ARHGEF10: variants seen among roughly 807,000 people sequenced by gnomAD.
ARHGEF10 encodes the protein Rho guanine nucleotide exchange factor (GEF) 10.
In ARHGEF10, 140 loss-of-function variants were observed where a neutral mutation model predicts 147.4. The observed-to-expected ratio is 0.95, with a 90% CI of 0.83 to 1.09. The LOEUF is 1.09. Among genes scored for constraint, ARHGEF10 ranks in the 50% least tolerant of loss-of-function variants. The pLI is 0.00. For synonymous variants in ARHGEF10, 902 were observed against 695.8 expected, an observed-to-expected ratio of 1.30 and a Z score of -4.67; for missense variants, 2,222 against 1,752.7, an observed-to-expected ratio of 1.27 and a Z score of -4.78.
chr8:1,885,249 A>G (rs1808558721), intron 10 of ARHGEF10, among the ~76,000 whole-genome samples: 2 of 152,146 alleles, frequency 1.3e-5, no homozygotes, highest in South Asian at 4.1e-4. Context: ...TCTGATTGTG[A>G]TATTTTATAG....
chr8:1,851,907 C>G (rs1015359588), intron 2 of ARHGEF10, among the ~76,000 whole-genome samples: 2 of 130,618 alleles, frequency 1.5e-5, no homozygotes, highest in Non-Finnish European at 3.5e-5. Flanking sequence ...GAGCATGACT[C>G]TGTCTCAAAA....
chr8:1,832,117 G>A (rs1257545260), intron 1 of ARHGEF10, among the ~76,000 whole-genome samples: 1 of 152,200 alleles, frequency 6.6e-6, no homozygotes. Flanking sequence ...GGGGTCCTGT[G>A]GCCCCGCTCT....
At chr8:1,902,894 G>C (rs975102724) in intron 15 of ARHGEF10, among the ~76,000 whole-genome samples, 1 of 152,200 alleles carries the variant, frequency 6.6e-6, no homozygotes, top group Non-Finnish European at 1.5e-5. Context: ...TGGAAACTGG[G>C]AGACTGGTGT....
Position 1,858,066 on chromosome 8 carries a change from C to T in ARHGEF10, c.144C>T (p.Ser48=), listed in dbSNP as rs376424164. The change falls in exon 3 of 29, where the codon TCC becomes TCT. Residue 48 remains serine (S), a synonymous_variant. Transcript: ENST00000349830. ...EIPEADRQAP[S]APETGGAGAS... ...CAGAAGCGGACAGACAGGCCCCATC[C>T]GCCCCTGAGACAGGAGGTGCTGGAG... 2.2e-5 allele frequency: 35 copies of T among 1,613,910 alleles called. No homozygotes were observed. Among genetic ancestry groups the T allele is most frequent in the South Asian group, 5.5e-5 (5 of 91,060 alleles).
intron 10 of ARHGEF10, among the ~76,000 whole-genome samples, chr8:1,885,002 C>T (rs994799553): frequency 2.0e-5 from 3 of 152,254 alleles, no homozygotes; most frequent in South Asian, 2.1e-4. Context: ...TAGGCTCAAG[C>T]GATTCTACCA....
At chr8:1,850,728 C>T (rs1221619482) in intron 2 of ARHGEF10, among the ~76,000 whole-genome samples, 4 of 152,176 alleles carry the variant, frequency 2.6e-5, no homozygotes, top group Non-Finnish European at 5.9e-5. Flanking sequence ...ACTTAATGTC[C>T]ACTCAATACC....
intron 1 of ARHGEF10, among the ~76,000 whole-genome samples, chr8:1,836,712 CT>C (rs1803605467): frequency 1.3e-5 from 2 of 152,168 alleles, no homozygotes. Context: ...GTGTCAGCCC[CT>C]GATATGGTTT....
chr8:1,838,042 G>T (rs1358851873), intron 1 of ARHGEF10, among the ~76,000 whole-genome samples: 1 of 152,186 alleles, frequency 6.6e-6, no homozygotes, highest in Admixed American at 6.5e-5. Context: ...AGTTCAGGGC[G>T]TTTATTCATT....
chr8:1,852,913 C>G (rs1282393677), intron 2 of ARHGEF10, among the ~76,000 whole-genome samples: 1 of 152,182 alleles, frequency 6.6e-6, no homozygotes, highest in Admixed American at 6.5e-5. Context: ...TGCCGGTGAC[C>G]CACAAGGGCT....
chr8:1,902,233 C>G (rs937841966), intron 15 of ARHGEF10, among the ~76,000 whole-genome samples: 1 of 151,832 alleles, frequency 6.6e-6, no homozygotes, highest in Non-Finnish European at 1.5e-5. Flanking sequence ...ACATTTAATT[C>G]TGAGAAAGAG....
At position 1,889,220 on chromosome 8, in the gene ARHGEF10, G is replaced by GGTGAGTGTTGTGTGAGATACTTAGTGGT; in HGVS notation, c.1182+3518_1182+3519insTGTTGTGTGAGATACTTAGTGGTGTGAG. Among the ~76,000 whole-genome samples, 2 of 90,078 alleles carry GGTGAGTGTTGTGTGAGATACTTAGTGGT rather than the reference G, an allele frequency of 2.2e-5. 1 individual carries two copies. 59.1% of individuals were successfully genotyped at this position (90,078 alleles called of 152,430 possible). On this transcript the variant is annotated intron_variant, in intron 11 of 28. Transcript: ENST00000349830. The stretch of plus-strand genomic sequence containing the variant: ...AGGTTTATTAGGAGACACTGAATGG[G>GGTGAGTGTTGTGTGAGATACTTAGTGGT]GTGAGGGTTGTGAGGAGACATTGAG...
At chr8:1,861,129 G>T (rs188771362) in intron 4 of ARHGEF10, among the ~76,000 whole-genome samples, 2 of 152,218 alleles carry the variant, frequency 1.3e-5, no homozygotes, top group Non-Finnish European at 2.9e-5. Context: ...TGTCCTCAGC[G>T]CTGACAGCTC....
At chr8:1,824,145 C>T (rs1039746199) in intron 1 of ARHGEF10, 32 bp downstream of exon 1, 2 of 152,220 alleles carry the variant, frequency 1.3e-5, no homozygotes, top group African/African-American at 4.8e-5. Context: ...CGTGGGTCCC[C>T]TCGCGGGCTT....
intron 18 of ARHGEF10, among the ~76,000 whole-genome samples, chr8:1,917,364 T>C (rs941613183): frequency 3.9e-5 from 6 of 152,266 alleles, no homozygotes; most frequent in African/African-American, 1.4e-4. Flanking sequence ...GCCTTCTGGC[T>C]CTGACGTCTC....
chr8:1,897,555 G>C (rs1396694211), intron 14 of ARHGEF10, among the ~76,000 whole-genome samples: 1 of 150,440 alleles, frequency 6.6e-6, no homozygotes, highest in Non-Finnish European at 1.5e-5. Flanking sequence ...CCTCTGGACA[G>C]CTGTGGGCTC....
chr8:1,946,685 A>C (rs987359878), intron 27 of ARHGEF10, among the ~76,000 whole-genome samples: 21 of 152,210 alleles, frequency 1.4e-4, no homozygotes, highest in Non-Finnish European at 3.1e-4. Flanking sequence ...GGGAGACACA[A>C]ACATTCAGTC....
chr8:1,953,190 CTG>C, intron 28 of ARHGEF10, among the ~76,000 whole-genome samples: 1 of 144,580 alleles, frequency 6.9e-6, no homozygotes, highest in African/African-American at 2.8e-5. Flanking sequence ...TCATTCCTTT[CTG>C]TATTTTATGT....
chr8:1,860,706 G>A lies in ARHGEF10; in HGVS notation c.481+522G>A, dbSNP rs1442470096. ...TCTGGGGTGCCTTGAACTTCACCCC[G>A]ATCTCTGATTCCCCCACCAGCTGCT... On this transcript the variant is annotated intron_variant, in intron 4 of 28. Coordinates refer to ENST00000349830, the MANE Select transcript of ARHGEF10 (RefSeq NM_014629.4). Among the ~76,000 whole-genome samples the A allele has an allele frequency of 5.9e-5, 9 of 152,270 alleles. No homozygotes were observed. In the South Asian group the frequency reaches 1.0e-3, roughly 17 times the overall value.
chr8:1,927,535 A>G (rs912414106), intron 23 of ARHGEF10: 1 of 152,246 alleles, frequency 6.6e-6, no homozygotes, highest in Admixed American at 6.5e-5. Context: ...TTAAGTTTAA[A>G]TTGGGAAACT....
Sources: gnomAD v4.1 joint callset for allele counts (sites outside exome capture counted in the v4.1 genomes callset) on GRCh38, gnomAD v4.1.1 for gene constraint, MANE v1.5 for transcripts, NCBI Gene and HGNC (gene_info 2026-07-23, HGNC 2026-07-21) for gene names.